The following GNB5 variants were observed in gnomAD, a reference collection of about 807,000 sequenced individuals.
GNB5 encodes the protein G protein subunit beta 5.
A neutral mutation model predicts 55.3 loss-of-function variants in GNB5; 37 were observed. That is an observed-to-expected ratio of 0.67 (90% CI 0.51 to 0.88). The LOEUF (loss-of-function observed/expected upper bound fraction) is 0.88. GNB5 is among the 40% of genes least tolerant of loss of function. The pLI is 0.00. For missense variants in GNB5, 476 were observed against 515.3 expected, an observed-to-expected ratio of 0.92 and a Z score of 0.74; for synonymous variants, 219 against 198.5, an observed-to-expected ratio of 1.10 and a Z score of -0.87.
chr15:52,170,598 T>C (rs1277636536), intron 3 of GNB5, among the ~76,000 whole-genome samples: 1 of 151,946 alleles, frequency 6.6e-6, no homozygotes, highest in Non-Finnish European at 1.5e-5. Context: ...TAATGGATGC[T>C]GGGCTTAATA....
chr15:52,163,254 T>C (rs563381066), intron 3 of GNB5, among the ~76,000 whole-genome samples: 1 of 152,324 alleles, frequency 6.6e-6, no homozygotes, highest in South Asian at 2.1e-4. Flanking sequence ...AGACTCTCAG[T>C]GGCAGCGTGG....
At chr15:52,169,559 A>AAAAAG (rs1566947316) in intron 3 of GNB5, among the ~76,000 whole-genome samples, 91 of 146,012 alleles carry the variant, frequency 6.2e-4, no homozygotes, top group Middle Eastern at 3.4e-3. Flanking sequence ...AAAAAAAAAA[A>AAAAAG]AAAAGAAAAG....
intron 7 of GNB5, chr15:52,137,879 G>A (rs758411056): frequency 1.9e-5 from 24 of 1,286,492 alleles, no homozygotes; most frequent in Non-Finnish European, 2.0e-5. Flanking sequence ...TGATAAGACC[G>A]TGGAGGAAGT....
intron 3 of GNB5, among the ~76,000 whole-genome samples, chr15:52,158,446 T>A (rs2034262167): frequency 6.6e-6 from 1 of 152,192 alleles, no homozygotes; most frequent in African/African-American, 2.4e-5. Context: ...ACGGTAGCAA[T>A]CCTAAGCAGC....
chr15:52,150,290 C>T (rs899655687), intron 4 of GNB5, among the ~76,000 whole-genome samples: 1 of 152,224 alleles, frequency 6.6e-6, no homozygotes, highest in African/African-American at 2.4e-5. Flanking sequence ...AAAGATAAAG[C>T]TGACATTACC....
intron 4 of GNB5, among the ~76,000 whole-genome samples, chr15:52,151,008 G>A (rs1440859306): frequency 6.6e-6 from 1 of 152,232 alleles, no homozygotes; most frequent in East Asian, 1.9e-4. Flanking sequence ...ATAGCTGCTT[G>A]CTTTGCATGA....
chr15:52,128,809 T>C (rs2033497730), intron 9 of GNB5: 1 of 452,166 alleles, frequency 2.2e-6, no homozygotes, highest in Admixed American at 2.4e-5. Context: ...TGATAATTAT[T>C]ACTGCTATAG....
chr15:52,184,914 A>C (rs1392217490), intron 1 of GNB5, among the ~76,000 whole-genome samples: 1 of 152,266 alleles, frequency 6.6e-6, no homozygotes, highest in East Asian at 1.9e-4. Context: ...TTCTGAACTT[A>C]ACACGTTTAA....
Position 52,134,466 on chromosome 15 carries a change from C to T in GNB5, c.772-997G>A, listed in dbSNP as rs539299754. On this transcript the variant is annotated intron_variant, in intron 8 of 12. Transcript: ENST00000261837. ...GGCAAAGAAACCAGAAAGGCCTTCA[C>T]ATCTTTAGAGGACACTCAATTGGAT... 3.9e-5 allele frequency among the ~76,000 whole-genome samples: 6 copies of T among 152,286 alleles called. No homozygotes were observed. In the South Asian group the frequency reaches 1.2e-3, roughly 32 times the overall value.
chr15:52,181,089 A>T (rs2034761090), intron 2 of GNB5: 2 of 152,180 alleles, frequency 1.3e-5, no homozygotes, highest in African/African-American at 4.8e-5. Context: ...TGCTGCGAGA[A>T]CATCGCCAAG....
rs1387943006 is a variant in GNB5 at position 52,120,814 on chromosome 15, A to G, written c.*1943T>C. 2.0e-5 allele frequency: 3 copies of G among 152,342 alleles called. No individual in the cohort carries two copies. Among genetic ancestry groups the G allele is most frequent in the Non-Finnish European group, 4.4e-5 (3 of 68,160 alleles). The allele number at this position is 152,342 out of a possible 1,614,324, so 9.4% of individuals were successfully genotyped here. On this transcript the variant is annotated 3_prime_UTR_variant, in exon 13 of 13. Coordinates refer to ENST00000261837, the MANE Select transcript of GNB5 (RefSeq NM_016194.4). ...TGAGCCCCTGCCCAGACTGGAATCT[A>G]CTGGGACTAAAAAGCACTCTCTCTG... is the stretch of plus-strand genomic sequence containing the variant.
intron 1 of GNB5, among the ~76,000 whole-genome samples, chr15:52,187,236 C>T (rs2034858318): frequency 6.6e-6 from 1 of 152,116 alleles, no homozygotes; most frequent in Non-Finnish European, 1.5e-5. Context: ...TAAAGGCAGC[C>T]AGTAACAAGG....
rs534835157 is a variant in GNB5 at position 52,164,032 on chromosome 15, G to A, written c.239-9956C>T. Reference sequence around the variant, plus strand: ...TGTTAAAAGAAAAACAGCCGGGCACGGTGGCTCACACCTATAATTCCAGCA... The same window carrying A: ...TGTTAAAAGAAAAACAGCCGGGCACAGTGGCTCACACCTATAATTCCAGCA... On this transcript the variant is annotated intron_variant, in intron 3 of 12. Coordinates refer to ENST00000261837, the MANE Select transcript of GNB5 (RefSeq NM_016194.4). Among the ~76,000 whole-genome samples, 12 of 152,268 alleles carry A rather than the reference G, an allele frequency of 7.9e-5. No homozygotes were observed. The East Asian group carries it at 1.7e-3, about 22-fold the overall frequency.
intron 7 of GNB5, chr15:52,137,835 T>G (rs78900620): frequency 1.5e-5 from 19 of 1,283,912 alleles, no homozygotes; most frequent in Admixed American, 4.6e-5. Context: ...AAGCTCTCCC[T>G]GCCTTCTGGC....
intron 6 of GNB5, chr15:52,143,863 C>A (rs2033912418): frequency 6.6e-6 from 1 of 152,234 alleles, no homozygotes; most frequent in Non-Finnish European, 1.5e-5. Context: ...GGAGATGGTA[C>A]TTTTACCTGC....
At chr15:52,124,443 C>A in intron 12 of GNB5, 30 bp downstream of exon 12, 1 of 1,581,522 alleles carries the variant, frequency 6.3e-7, no homozygotes. Flanking sequence ...TCCTCTCACA[C>A]ACAGGAAAAC....
intron 9 of GNB5, among the ~76,000 whole-genome samples, chr15:52,131,213 T>C (rs993371651): frequency 1.3e-5 from 2 of 152,222 alleles, no homozygotes; most frequent in African/African-American, 4.8e-5. Flanking sequence ...ATTAAAAATA[T>C]TCTAAAAAAG....
chr15:52,139,934 T>A (rs1432880035), intron 7 of GNB5: 1 of 1,286,294 alleles, frequency 7.8e-7, no homozygotes, highest in South Asian at 1.2e-5. Context: ...CCTGCCTTCA[T>A]CCAGCCTAAA....
At chr15:52,152,426 C>T (rs938515260) in intron 4 of GNB5, among the ~76,000 whole-genome samples, 2 of 151,668 alleles carry the variant, frequency 1.3e-5, no homozygotes, top group South Asian at 2.1e-4. Flanking sequence ...TAGGTTCAAG[C>T]GATTCTCCTG....
Sources: gnomAD v4.1 joint callset for allele counts (sites outside exome capture counted in the v4.1 genomes callset) on GRCh38, gnomAD v4.1.1 for gene constraint, MANE v1.5 for transcripts, NCBI Gene and HGNC (gene_info 2026-07-23, HGNC 2026-07-21) for gene names.